The following CTNND2 variants were observed in gnomAD, a reference collection of about 807,000 sequenced individuals.
CTNND2 encodes the protein catenin delta 2, also known as catenin delta-2.
In CTNND2, 22 loss-of-function variants were observed where a neutral mutation model predicts 144.4. The ratio of observed to expected loss-of-function variants is 0.15; its 90% CI spans 0.11 to 0.22. CTNND2 has a LOEUF of 0.22. Ranked by LOEUF, CTNND2 falls within the 10% of genes least tolerant of loss-of-function variation. CTNND2 has a pLI of 1.00. For missense variants in CTNND2, 1,353 were observed against 1,618.8 expected (o/e 0.84, Z 2.82); for synonymous variants, 751 against 695.6 (o/e 1.08, Z -1.25).
intron 2 of CTNND2, among the ~76,000 whole-genome samples, chr5:11,644,989 G>T (rs1782273322): frequency 6.6e-6 from 1 of 152,056 alleles, no homozygotes. Context: ...AAGAGACGGG[G>T]TCTCACTCTG....
At position 11,719,831 on chromosome 5, in the gene CTNND2, TATACACAC is replaced by T. The variant is rs200959571; in HGVS notation, c.174+12297_174+12304del. The stretch of plus-strand genomic sequence containing the variant: ...TTTGAATTTGTGGGTAGCTCTGACA[TATACACAC>T]ACACACACACACACACACACACACA... On this transcript the variant is annotated intron_variant, in intron 2 of 21. Transcript: ENST00000304623. Among the ~76,000 whole-genome samples the T allele has an allele frequency of 2.1e-3, 229 of 109,486 alleles. 3 individuals carry two copies. In the East Asian group the frequency reaches 0.051, roughly 24 times the overall value. 71.8% of individuals were successfully genotyped at this position (109,486 alleles called of 152,430 possible). A position where few individuals can be genotyped will look rare whatever the true frequency, so the allele number is the denominator to read the frequency against.
In CTNND2 at chr5:11,515,887, C is replaced by T. The variant is rs568358402; in HGVS notation, c.287+49057G>A. ...AGCTGAGGGTGGAAGCTTGCTTAAGCTCAGGAGTTCGAAACCAGCCTGGGC... is the reference window on the plus strand; with the variant it reads ...AGCTGAGGGTGGAAGCTTGCTTAAGTTCAGGAGTTCGAAACCAGCCTGGGC... On this transcript the variant is annotated intron_variant, in intron 3 of 21. Transcript: ENST00000304623. Among the ~76,000 whole-genome samples, 343 of 152,136 alleles carry T rather than the reference C, an allele frequency of 2.3e-3. 2 individuals carry two copies. The highest frequency in any genetic ancestry group is 7.9e-3 in the African/African-American group (327 of 41,496).
chr5:11,455,786 T>C (rs190650097), intron 3 of CTNND2, among the ~76,000 whole-genome samples: 1 of 150,774 alleles, frequency 6.6e-6, no homozygotes, highest in Admixed American at 6.6e-5. Context: ...TAAAAGAAGG[T>C]TTTTTTTTCT....
chr5:11,556,300 T>C lies in CTNND2; in HGVS notation c.287+8644A>G, dbSNP rs1184792107. Among the ~76,000 whole-genome samples, 5 of 152,260 alleles carry C rather than the reference T, an allele frequency of 3.3e-5. 1 individual carries two copies. In the East Asian group the frequency reaches 7.7e-4, roughly 23 times the overall value. On this transcript the variant is annotated intron_variant, in intron 3 of 21. Coordinates refer to ENST00000304623, the MANE Select transcript of CTNND2 (RefSeq NM_001332.4). ...ATATAAGATGTCTGGTTTCCAAAAA[T>C]AAATATTTTGGCAAATTGATTATTT...
intron 12 of CTNND2, among the ~76,000 whole-genome samples, chr5:11,151,064 T>C (rs1365606356): frequency 6.6e-6 from 1 of 152,220 alleles, no homozygotes; most frequent in Non-Finnish European, 1.5e-5. Flanking sequence ...ACTCTGCTTG[T>C]TCTGTGAGCT....
intron 3 of CTNND2, among the ~76,000 whole-genome samples, chr5:11,481,171 TG>T (rs1490418044): frequency 2.6e-5 from 4 of 152,012 alleles, no homozygotes; most frequent in Non-Finnish European, 5.9e-5. Flanking sequence ...CACAATAACG[TG>T]GGATCAGAAA....
chr5:11,548,938 A>G (rs1463328726), intron 3 of CTNND2, among the ~76,000 whole-genome samples: 2 of 152,242 alleles, frequency 1.3e-5, no homozygotes, highest in Non-Finnish European at 2.9e-5. Context: ...TTAGCCAAAC[A>G]TAATAACTGT....
intron 21 of CTNND2, among the ~76,000 whole-genome samples, chr5:10,974,738 C>T (rs1736236459): frequency 1.3e-5 from 2 of 152,206 alleles, no homozygotes; most frequent in African/African-American, 2.4e-5. Flanking sequence ...GACTCAGTGA[C>T]TCCCTATTAA....
At chr5:11,273,768 A>T (rs1425075115) in intron 9 of CTNND2, among the ~76,000 whole-genome samples, 1 of 152,126 alleles carries the variant, frequency 6.6e-6, no homozygotes, top group African/African-American at 2.4e-5. Flanking sequence ...GGAAATTCAC[A>T]TTTGTTTCTA....
intron 1 of CTNND2, among the ~76,000 whole-genome samples, chr5:11,790,254 CATTT>C (rs1324317624): frequency 1.3e-5 from 2 of 152,146 alleles, no homozygotes; most frequent in East Asian, 1.9e-4. Context: ...TCATGTCATT[CATTT>C]GTCAGTCTTT....
chr5:11,327,798 C>G (rs1278669462), intron 9 of CTNND2, among the ~76,000 whole-genome samples: 1 of 152,122 alleles, frequency 6.6e-6, no homozygotes, highest in South Asian at 2.1e-4. Context: ...TGATAAAATG[C>G]AGATTCTGAT....
intron 1 of CTNND2, among the ~76,000 whole-genome samples, chr5:11,877,522 A>G (rs764166402): frequency 6.6e-6 from 1 of 152,188 alleles, no homozygotes; most frequent in Non-Finnish European, 1.5e-5. Context: ...TAAAAGAACC[A>G]TATTTTGAAA....
chr5:11,506,700 AT>A, intron 3 of CTNND2, among the ~76,000 whole-genome samples: 1 of 152,364 alleles, frequency 6.6e-6, no homozygotes, highest in Non-Finnish European at 1.5e-5. Flanking sequence ...AAAGATAAAC[AT>A]TTATTGTAAA....
chr5:11,755,057 C>T (rs1788859140), intron 1 of CTNND2, among the ~76,000 whole-genome samples: 1 of 151,416 alleles, frequency 6.6e-6, no homozygotes, highest in Non-Finnish European at 1.5e-5. Context: ...AGTTGTGTGT[C>T]TTTTTGTGGT....
chr5:11,452,829 T>C lies in CTNND2; in HGVS notation c.288-40760A>G, dbSNP rs568441102. ...TGAAATTTGAAATACACATAATATG[T>C]GCGCACATTTGTCTGAAGTACATAG... On this transcript the variant is annotated intron_variant, in intron 3 of 21. Transcript: ENST00000304623. 5.3e-5 allele frequency among the ~76,000 whole-genome samples: 8 copies of C among 152,302 alleles called. No individual in the cohort carries two copies. In the South Asian group the frequency reaches 1.7e-3, roughly 32 times the overall value.
At chr5:11,478,247 T>C (rs761782047) in intron 3 of CTNND2, among the ~76,000 whole-genome samples, 4 of 152,228 alleles carry the variant, frequency 2.6e-5, no homozygotes, top group Admixed American at 1.3e-4. Flanking sequence ...TATCCATTTT[T>C]TCATGGGCCC....
chr5:11,142,608 CTTTTTTTTT>C lies in CTNND2; in HGVS notation c.2159+16959_2159+16967del, dbSNP rs955587756. Among the ~76,000 whole-genome samples the C allele has an allele frequency of 2.6e-3, 347 of 133,266 alleles. 2 individuals carry two copies. The highest frequency in any genetic ancestry group is 9.1e-3 in the African/African-American group (332 of 36,452). The allele number at this position is 133,266 out of a possible 152,430, so 87.4% of individuals were successfully genotyped here. On this transcript the variant is annotated intron_variant, in intron 12 of 21. Transcript: ENST00000304623. ...AAAGGTTTGGTGTCAAATTTAAACT[CTTTTTTTTT>C]TTTTTTTTTTGTTTGAGGCAGAGTT... is the stretch of plus-strand genomic sequence containing the variant.
intron 16 of CTNND2, among the ~76,000 whole-genome samples, chr5:11,076,632 T>A (rs1748982218): frequency 6.6e-6 from 1 of 152,232 alleles, no homozygotes; most frequent in Non-Finnish European, 1.5e-5. Flanking sequence ...TATTGCTGTT[T>A]CCCAGAGACA....
At chr5:11,507,112 C>CACAAGTA (rs1437762682) in intron 3 of CTNND2, among the ~76,000 whole-genome samples, 5 of 152,282 alleles carry the variant, frequency 3.3e-5, no homozygotes, top group African/African-American at 1.2e-4. Flanking sequence ...TAGGCTCGTA[C>CACAAGTA]CTGGGACAGT....
Sources: allele counts gnomAD v4.1 joint callset (sites outside exome capture counted in the v4.1 genomes callset), GRCh38; gene constraint gnomAD v4.1.1; transcripts MANE v1.5; gene names NCBI Gene and HGNC (gene_info 2026-07-23, HGNC 2026-07-21).